The following OR4E2 variants were observed in gnomAD, a reference collection of about 807,000 sequenced individuals.
The protein encoded by OR4E2 is olfactory receptor family 4 subfamily E member 2.
OR4E2 carries 9 observed loss-of-function variants against 11.0 expected under a neutral mutation model. The ratio of observed to expected loss-of-function variants is 0.82; its 90% CI spans 0.49 to 1.43. OR4E2 has a LOEUF of 1.43. OR4E2 is among the 40% of genes most tolerant of loss of function. The pLI, the probability that OR4E2 is intolerant of heterozygous loss-of-function variation, is 0.00. For synonymous variants in OR4E2, 159 were observed against 147.3 expected (o/e 1.08, Z -0.57); for missense variants, 441 against 382.0 (o/e 1.15, Z -1.29).
chr14:21,659,303 G>A (rs895988156), intron 2 of OR4E2, among the ~76,000 whole-genome samples: 7 of 152,090 alleles, frequency 4.6e-5, no homozygotes, highest in African/African-American at 1.7e-4. Flanking sequence ...CCAAAGTGCT[G>A]GGAGGCTGAG....
At position 21,665,537 on chromosome 14, in the gene OR4E2, G is replaced by C; in HGVS notation, c.455G>C (p.Gly152Ala). 6.2e-7 allele frequency: 1 copy of C among 1,614,104 alleles called. No individual in the cohort carries two copies. The highest frequency in any genetic ancestry group is 8.5e-7 in the Non-Finnish European group (1 of 1,180,024). The change falls in exon 4 of 4, where the codon GGT becomes GCT. Residue 152 changes from glycine (G) to alanine (A), a missense_variant. Transcript: ENST00000641524. ...IQLVFALWLG[G>A]TVHSLGQTFL... ...CTTGTCTTTGCTCTCTGGTTGGGGG[G>C]TACTGTTCACTCACTAGGGCAGACC...
rs779534346 is a variant in OR4E2, at chr14:21,665,588, G to C, written c.506G>C (p.Cys169Ser). The C allele has an allele frequency of 1.9e-6, 3 of 1,614,052 alleles. No individual in the cohort carries two copies. Among genetic ancestry groups the C allele is most frequent in the South Asian group, 2.2e-5 (2 of 91,066 alleles). Reference sequence around the variant, plus strand: ...TTCTTGACTATTCGTCTACCTTACTGTGGCCCCAACATTATTGACAGCTAC... The same window carrying C: ...TTCTTGACTATTCGTCTACCTTACTCTGGCCCCAACATTATTGACAGCTAC... The part of the protein sequence containing the change: ...QTFLTIRLPY[C>S]GPNIIDSYFC... Residue 169 changes from cysteine to serine, a missense_variant, in exon 4 of 4, where the codon TGT becomes TCT. Coordinates refer to ENST00000641524, the MANE Select transcript of OR4E2 (RefSeq NM_001001912.3).
intron 3 of OR4E2, among the ~76,000 whole-genome samples, chr14:21,663,473 C>A (rs1880448293): frequency 9.5e-6 from 1 of 104,810 alleles, no homozygotes; most frequent in Non-Finnish European, 2.1e-5. Context: ...GAGCAAGACT[C>A]CGTCTCGAAA....
chr14:21,662,057 T>C (rs1266615077), intron 3 of OR4E2, among the ~76,000 whole-genome samples: 1 of 152,156 alleles, frequency 6.6e-6, no homozygotes, highest in African/African-American at 2.4e-5. Flanking sequence ...AAGTATTTGA[T>C]TTTCTTTTTA....
intron 2 of OR4E2, among the ~76,000 whole-genome samples, chr14:21,659,176 T>C (rs1880178181): frequency 6.6e-6 from 1 of 152,046 alleles, no homozygotes; most frequent in African/African-American, 2.4e-5. Flanking sequence ...GCTAGGACTA[T>C]AGACATGTGC....
In OR4E2 at chr14:21,666,068, G is replaced by A. The variant is rs1880634804; in HGVS notation, c.*44G>A. The A allele has an allele frequency of 1.4e-6, 2 of 1,403,460 alleles. No individual in the cohort carries two copies. Among genetic ancestry groups the A allele is most frequent in the Non-Finnish European group, 2.0e-6 (2 of 1,005,194 alleles). The allele number at this position is 1,403,460 out of a possible 1,614,324, so 86.9% of individuals were successfully genotyped here. A position where few individuals can be genotyped will look rare whatever the true frequency, so the allele number is the denominator to read the frequency against. On this transcript the variant is annotated 3_prime_UTR_variant, in exon 4 of 4. Coordinates refer to ENST00000641524, the MANE Select transcript of OR4E2 (RefSeq NM_001001912.3). ...ACATAATTGCAGCCACATCCTTAAT[G>A]AAAGAGCAAAAGTAAAGAGTCAAAA...
chr14:21,662,827 A>G (rs959791942), intron 3 of OR4E2, among the ~76,000 whole-genome samples: 1 of 152,038 alleles, frequency 6.6e-6, no homozygotes, highest in Non-Finnish European at 1.5e-5. Context: ...ATTTCCTTGC[A>G]TTTAGCTTTT....
At chr14:21,658,841 G>A (rs931374615) in intron 2 of OR4E2, among the ~76,000 whole-genome samples, 5 of 151,818 alleles carry the variant, frequency 3.3e-5, no homozygotes, top group East Asian at 1.9e-4. Flanking sequence ...TCTAATATAC[G>A]CAGTATACAA....
chr14:21,654,419 C>G (rs1193118497), intron 1 of OR4E2, among the ~76,000 whole-genome samples: 1 of 148,162 alleles, frequency 6.7e-6, no homozygotes, highest in Non-Finnish European at 1.5e-5. Context: ...CACACATGCA[C>G]ACACACGCTG....
At position 21,665,735 on chromosome 14, in the gene OR4E2, A is replaced by G; in HGVS notation, c.653A>G (p.Tyr218Cys). Residue 218 changes from tyrosine to cysteine, a missense_variant, in exon 4 of 4, where the codon TAT (tyrosine) becomes TGT (cysteine). Coordinates refer to ENST00000641524, the MANE Select transcript of OR4E2 (RefSeq NM_001001912.3). ...LSCFLAVVTS[Y>C]MVILVSLRKH... Reference sequence around the variant, plus strand: ...TGTTTCTTGGCCGTGGTCACCTCCTATATGGTCATCCTGGTTTCTCTTCGA... The same window carrying G: ...TGTTTCTTGGCCGTGGTCACCTCCTGTATGGTCATCCTGGTTTCTCTTCGA... 6.2e-7 allele frequency: 1 copy of G among 1,613,956 alleles called. No homozygotes were observed. The highest frequency in any genetic ancestry group is 1.7e-5 in the Admixed American group (1 of 60,008).
In OR4E2 at chr14:21,657,486, TC is replaced by T. The variant is rs1594543645; in HGVS notation, c.-103+899del. 1.3e-4 allele frequency among the ~76,000 whole-genome samples: 16 copies of T among 125,280 alleles called. No individual in the cohort carries two copies. In the East Asian group the frequency reaches 1.7e-3, roughly 13 times the overall value. The allele number at this position is 125,280 out of a possible 152,430, so 82.2% of individuals were successfully genotyped here. On this transcript the variant is annotated intron_variant, in intron 2 of 3. Coordinates refer to ENST00000641524, the MANE Select transcript of OR4E2 (RefSeq NM_001001912.3). ...TTCCTTCCTTCCTTCCTTCCTTCCT[TC>T]CTTCCTTCCTTCCTTCCTTCTTTCT...
At chr14:21,658,171 G>A (rs1161587968) in intron 2 of OR4E2, among the ~76,000 whole-genome samples, 1 of 152,164 alleles carries the variant, frequency 6.6e-6, no homozygotes, top group East Asian at 1.9e-4. Context: ...GGAGAATTGG[G>A]ACAGAATTCC....
At chr14:21,656,838 C>T (rs188621491) in intron 2 of OR4E2, among the ~76,000 whole-genome samples, 1 of 152,176 alleles carries the variant, frequency 6.6e-6, no homozygotes, top group South Asian at 2.1e-4. Flanking sequence ...ACAGACAAAA[C>T]ACACATACGC....
rs1332430029 is a variant in OR4E2, at chr14:21,666,869, T to G, written c.*845T>G. ...ATCATGCCTGGCTAATTTTTATATGTTTAGTAGAGATGAGGTTTTACCACG... is the reference window on the plus strand; with the variant it reads ...ATCATGCCTGGCTAATTTTTATATGGTTAGTAGAGATGAGGTTTTACCACG... On this transcript the variant is annotated 3_prime_UTR_variant, in exon 4 of 4. Coordinates refer to ENST00000641524, the MANE Select transcript of OR4E2 (RefSeq NM_001001912.3). 23 of 152,108 alleles carry G rather than the reference T, an allele frequency of 1.5e-4. No homozygotes were observed. Among genetic ancestry groups the G allele is most frequent in the Admixed American group, 9.2e-4 (14 of 15,274 alleles). 9.4% of individuals were successfully genotyped at this position (152,108 alleles called of 1,614,324 possible). A position where few individuals can be genotyped will look rare whatever the true frequency, so the allele number is the denominator to read the frequency against.
In OR4E2 at chr14:21,666,143, G is replaced by T. The variant is rs564636919; in HGVS notation, c.*119G>T. 7.6e-6 allele frequency: 5 copies of T among 656,580 alleles called. No individual in the cohort carries two copies. The South Asian group carries it at 1.0e-4, about 13-fold the overall frequency. The allele number at this position is 656,580 out of a possible 1,614,324, so 40.7% of individuals were successfully genotyped here. ...AGGTAAAATGGCATAGAGCAGGTCA[G>T]ATTTCTGCTCATTAAAGATAAGAAC... is the stretch of plus-strand genomic sequence containing the variant. On this transcript the variant is annotated 3_prime_UTR_variant, in exon 4 of 4. Transcript: ENST00000641524.
At chr14:21,657,802 C>A (rs1167969032) in intron 2 of OR4E2, among the ~76,000 whole-genome samples, 1 of 152,020 alleles carries the variant, frequency 6.6e-6, no homozygotes, top group Non-Finnish European at 1.5e-5. Flanking sequence ...GTTGGCCAGG[C>A]TGGTCTCAAA....
chr14:21,662,778 T>A (rs1439904013), intron 3 of OR4E2, among the ~76,000 whole-genome samples: 1 of 152,188 alleles, frequency 6.6e-6, no homozygotes, highest in Non-Finnish European at 1.5e-5. Flanking sequence ...AAACCCCTAA[T>A]GTAAGCCTCA....
chr14:21,664,272 G>A (rs925271198), intron 3 of OR4E2, among the ~76,000 whole-genome samples: 1 of 152,076 alleles, frequency 6.6e-6, no homozygotes, highest in South Asian at 2.1e-4. Flanking sequence ...CTGTTCTTCT[G>A]TTGTTTTTTG....
chr14:21,658,832 C>T (rs1880159685), intron 2 of OR4E2, among the ~76,000 whole-genome samples: 1 of 151,628 alleles, frequency 6.6e-6, no homozygotes, highest in South Asian at 2.1e-4. Context: ...ATGAAGAATT[C>T]TAATATACGC....
Sources: allele counts gnomAD v4.1 joint callset (sites outside exome capture counted in the v4.1 genomes callset), GRCh38; gene constraint gnomAD v4.1.1; transcripts MANE v1.5; gene names NCBI Gene and HGNC (gene_info 2026-07-23, HGNC 2026-07-21).